Variants in CCDC178 observed in about 807,000 individuals in gnomAD.
The protein encoded by CCDC178 is coiled-coil domain-containing protein 178.
CCDC178 carries 126 observed loss-of-function variants against 117.4 expected under a neutral mutation model. The observed-to-expected ratio is 1.07, with a 90% CI of 0.93 to 1.24. CCDC178 has a LOEUF of 1.24. CCDC178 is among the 50% of genes most tolerant of loss of function. The pLI is 0.00. For synonymous variants in CCDC178, 283 were observed against 313.4 expected (o/e 0.90, Z 1.02); for missense variants, 1,030 against 986.9 (o/e 1.04, Z -0.59).
At chr18:33,432,265 T>C (rs2064230182) in intron 2 of CCDC178, among the ~76,000 whole-genome samples, 1 of 152,074 alleles carries the variant, frequency 6.6e-6, no homozygotes, top group South Asian at 2.1e-4. Context: ...AGAATTGGAA[T>C]TTAGTTGACT....
intron 6 of CCDC178, among the ~76,000 whole-genome samples, chr18:33,367,681 G>T (rs1156920800): frequency 6.6e-6 from 1 of 151,824 alleles, no homozygotes; most frequent in Non-Finnish European, 1.5e-5. Flanking sequence ...ATACTGCATA[G>T]ATTTGAACTA....
chr18:33,252,193 A>C (rs1568089981), intron 14 of CCDC178, among the ~76,000 whole-genome samples: 2 of 151,842 alleles, frequency 1.3e-5, no homozygotes, highest in South Asian at 4.1e-4. Flanking sequence ...CTATAAGAGA[A>C]GGTGGTTGGT....
At chr18:33,313,157 G>T (rs749076904) in intron 11 of CCDC178, among the ~76,000 whole-genome samples, 27 of 152,150 alleles carry the variant, frequency 1.8e-4, no homozygotes, top group Non-Finnish European at 3.4e-4. Context: ...ATAGTTCCAG[G>T]TACACCTATT....
chr18:32,985,019 C>T (rs909673816), intron 21 of CCDC178, among the ~76,000 whole-genome samples: 7 of 151,916 alleles, frequency 4.6e-5, no homozygotes, highest in African/African-American at 1.4e-4. Flanking sequence ...TCTTCTGAGA[C>T]CCACTTATTT....
chr18:33,412,126 A>G lies in CCDC178; in HGVS notation c.-22-16T>C. The G allele has an allele frequency of 1.1e-6, 1 of 942,054 alleles. No individual in the cohort carries two copies. 58.4% of individuals were successfully genotyped at this position (942,054 alleles called of 1,614,324 possible). A position where few individuals can be genotyped will look rare whatever the true frequency, so the allele number is the denominator to read the frequency against. ...ATTTTAAAACCTAATTAGAAAGAAA[A>G]ATATTTAAATATCATGAATCTAAAT... On this transcript the variant is annotated splice_polypyrimidine_tract_variant and intron_variant, in intron 2 of 22. Coordinates refer to ENST00000383096, the MANE Select transcript of CCDC178 (RefSeq NM_001105528.4).
At chr18:33,163,839 G>A (rs1219431035) in intron 20 of CCDC178, among the ~76,000 whole-genome samples, 1 of 152,112 alleles carries the variant, frequency 6.6e-6, no homozygotes, top group East Asian at 1.9e-4. Flanking sequence ...GAGTGTTACT[G>A]TGCAGCAATA....
At chr18:33,205,638 T>C (rs2059037334) in intron 20 of CCDC178, among the ~76,000 whole-genome samples, 1 of 152,230 alleles carries the variant, frequency 6.6e-6, no homozygotes, top group African/African-American at 2.4e-5. Context: ...AGATTAATTA[T>C]TTCATTGACT....
intron 11 of CCDC178, among the ~76,000 whole-genome samples, chr18:33,310,343 G>A (rs756394188): frequency 5.3e-4 from 80 of 151,458 alleles, no homozygotes; most frequent in Non-Finnish European, 5.2e-4. Flanking sequence ...GATAAAGTTT[G>A]TGAAAGAACA....
intron 11 of CCDC178, among the ~76,000 whole-genome samples, chr18:33,300,975 G>A (rs1250566348): frequency 1.3e-5 from 2 of 152,164 alleles, no homozygotes; most frequent in East Asian, 3.9e-4. Flanking sequence ...AAGACAATGG[G>A]AAAAAGACTT....
At chr18:33,354,794 T>C (rs1417353505) in intron 7 of CCDC178, among the ~76,000 whole-genome samples, 1 of 152,056 alleles carries the variant, frequency 6.6e-6, no homozygotes, top group African/African-American at 2.4e-5. Flanking sequence ...TATTTGTTTT[T>C]AGTAAAGACG....
At chr18:33,346,649 C>T (rs748197483) in intron 8 of CCDC178, among the ~76,000 whole-genome samples, 1 of 151,890 alleles carries the variant, frequency 6.6e-6, no homozygotes, top group Admixed American at 6.6e-5. Flanking sequence ...TAAATCTCAA[C>T]CAATATTTTC....
intron 21 of CCDC178, among the ~76,000 whole-genome samples, chr18:33,043,025 A>G (rs2056577458): frequency 6.6e-6 from 1 of 152,016 alleles, no homozygotes; most frequent in African/African-American, 2.4e-5. Flanking sequence ...AGAAAATCGA[A>G]AGTAAAGCAC....
intron 12 of CCDC178, among the ~76,000 whole-genome samples, chr18:33,288,847 TAA>T (rs2060133409): frequency 6.6e-6 from 1 of 152,166 alleles, no homozygotes; most frequent in South Asian, 2.1e-4. Context: ...AGAGTATTTA[TAA>T]AGAGTTGGAA....
intron 20 of CCDC178, among the ~76,000 whole-genome samples, chr18:33,176,237 T>C (rs1218076364): frequency 1.3e-5 from 2 of 152,208 alleles, no homozygotes; most frequent in Non-Finnish European, 2.9e-5. Flanking sequence ...TTAACATCCA[T>C]GGAGTTGTCC....
At chr18:33,150,987 TAA>T (rs567284340) in intron 20 of CCDC178, among the ~76,000 whole-genome samples, 38 of 152,256 alleles carry the variant, frequency 2.5e-4, no homozygotes, top group Middle Eastern at 3.4e-3. Context: ...CTAGGTGAAA[TAA>T]CTCAGAAATG....
intron 12 of CCDC178, among the ~76,000 whole-genome samples, chr18:33,276,913 T>G (rs2144805754): frequency 6.6e-6 from 1 of 152,158 alleles, no homozygotes; most frequent in South Asian, 2.1e-4. Context: ...CAATACTCAT[T>G]CCCAATTTAA....
chr18:32,983,529 G>C (rs1354645621), intron 21 of CCDC178, among the ~76,000 whole-genome samples: 1 of 151,914 alleles, frequency 6.6e-6, no homozygotes, highest in African/African-American at 2.4e-5. Context: ...TTGCACCTTA[G>C]GTAATCTAAT....
chr18:33,286,663 A>T (rs929251628), intron 12 of CCDC178, among the ~76,000 whole-genome samples: 8 of 152,320 alleles, frequency 5.3e-5, no homozygotes, highest in Middle Eastern at 3.4e-3. Flanking sequence ...TTCAAAAATT[A>T]TGAAAATACC....
intron 22 of CCDC178, 34 bp downstream of exon 22, chr18:32,974,513 G>C (rs759220363): frequency 3.6e-5 from 58 of 1,595,862 alleles, no homozygotes; most frequent in Non-Finnish European, 4.9e-5. Context: ...ATCTAGATCA[G>C]AATGATCTTT....
Sources: gnomAD v4.1 joint callset for allele counts (sites outside exome capture counted in the v4.1 genomes callset) on GRCh38, gnomAD v4.1.1 for gene constraint, MANE v1.5 for transcripts, NCBI Gene and HGNC (gene_info 2026-07-23, HGNC 2026-07-21) for gene names.